UHMK1: variants seen among roughly 807,000 people sequenced by gnomAD.
The protein encoded by UHMK1 is serine/threonine-protein kinase Kist.
UHMK1 carries 18 observed loss-of-function variants against 44.0 expected under a neutral mutation model. The observed-to-expected ratio is 0.41, with a 90% CI of 0.28 to 0.61. The LOEUF (loss-of-function observed/expected upper bound fraction) is 0.61. UHMK1 is among the 20% of genes least tolerant of loss of function. UHMK1 has a pLI of 0.31. For missense variants in UHMK1, 463 were observed against 522.5 expected (o/e 0.89, Z 1.11); for synonymous variants, 231 against 198.5 (o/e 1.16, Z -1.38).
chr1:162,520,406 T>G (rs1216060581), intron 7 of UHMK1, among the ~76,000 whole-genome samples: 1 of 152,170 alleles, frequency 6.6e-6, no homozygotes, highest in Non-Finnish European at 1.5e-5. Flanking sequence ...TATTGAGCAT[T>G]TATTATGTTC....
chr1:162,513,440 T>G (rs1486610233), intron 6 of UHMK1, among the ~76,000 whole-genome samples: 1 of 152,206 alleles, frequency 6.6e-6, no homozygotes, highest in African/African-American at 2.4e-5. Flanking sequence ...AACTGAGTAT[T>G]TACTATGTGC....
chr1:162,498,474 A>C lies in UHMK1; in HGVS notation c.268+206A>C, dbSNP rs190558723. 1.6e-3 allele frequency among the ~76,000 whole-genome samples: 244 copies of C among 152,324 alleles called. 6 individuals are homozygous for C. Among genetic ancestry groups the C allele is most frequent in the Admixed American group, 0.015 (229 of 15,292 alleles). ...TTGGTGGTCTGCTTTGCCAGGTGTC[A>C]CATAGATGCTCAGTAAATTGTCTTG... On this transcript the variant is annotated intron_variant, in intron 1 of 7. Coordinates refer to ENST00000489294, the MANE Select transcript of UHMK1 (RefSeq NM_175866.5).
intron 4 of UHMK1, among the ~76,000 whole-genome samples, chr1:162,506,222 AG>A (rs1470949097): frequency 1.4e-4 from 4 of 28,464 alleles, no homozygotes; most frequent in African/African-American, 6.0e-4. Flanking sequence ...TTTAAATAAT[AG>A]CCCCCCCCCC....
At chr1:162,503,485 C>T (rs1651352128) in intron 3 of UHMK1, among the ~76,000 whole-genome samples, 1 of 151,858 alleles carries the variant, frequency 6.6e-6, no homozygotes, top group South Asian at 2.1e-4. Context: ...ATGGCACACA[C>T]CTATATTTCC....
intron 3 of UHMK1, 63 bp downstream of exon 3, chr1:162,501,167 G>T: frequency 6.8e-7 from 1 of 1,471,264 alleles, no homozygotes; most frequent in Non-Finnish European, 9.1e-7. Flanking sequence ...TTCAATTTAT[G>T]ATGATTTTTT....
chr1:162,497,383 T>C, upstream of UHMK1: 1 of 663,984 alleles, frequency 1.5e-6, no homozygotes, highest in East Asian at 2.8e-5. Context: ...TCCATTCCGA[T>C]GGTTGGCGAC....
chr1:162,508,396 G>A (rs1651551855), intron 4 of UHMK1, among the ~76,000 whole-genome samples: 1 of 151,640 alleles, frequency 6.6e-6, no homozygotes, highest in Non-Finnish European at 1.5e-5. Flanking sequence ...ATGAGCGTGA[G>A]CCACCACGCC....
chr1:162,507,967 TTA>T (rs1491587519), intron 4 of UHMK1, among the ~76,000 whole-genome samples: 1 of 152,166 alleles, frequency 6.6e-6, no homozygotes, highest in African/African-American at 2.4e-5. Context: ...CTTGTATCTC[TTA>T]TAGTGTAATT....
chr1:162,510,814 T>C (rs1651638747), intron 4 of UHMK1, among the ~76,000 whole-genome samples: 1 of 152,166 alleles, frequency 6.6e-6, no homozygotes. Flanking sequence ...TTTCATTTCC[T>C]TTGGATATAT....
chr1:162,518,485 T>G (rs1651924241), intron 7 of UHMK1, among the ~76,000 whole-genome samples: 1 of 150,060 alleles, frequency 6.7e-6, no homozygotes, highest in Non-Finnish European at 1.5e-5. Flanking sequence ...TACTTGAGGT[T>G]AGGAGTTCAG....
chr1:162,508,658 C>T (rs1651561877), intron 4 of UHMK1, among the ~76,000 whole-genome samples: 1 of 151,480 alleles, frequency 6.6e-6, no homozygotes, highest in Non-Finnish European at 1.5e-5. Context: ...GCCAAGATTG[C>T]ACCACTGCAC....
intron 7 of UHMK1, among the ~76,000 whole-genome samples, chr1:162,521,982 C>CT (rs1652076086): frequency 6.6e-6 from 1 of 152,102 alleles, no homozygotes. Flanking sequence ...ATATTTTTTC[C>CT]TTTTTCACTG....
intron 6 of UHMK1, among the ~76,000 whole-genome samples, chr1:162,514,770 A>G (rs1223536056): frequency 6.6e-6 from 1 of 152,212 alleles, no homozygotes; most frequent in Non-Finnish European, 1.5e-5. Flanking sequence ...GTAAGGAATA[A>G]AAGAGAAAAA....
Position 162,522,622 on chromosome 1 carries a change from C to CTTCCATTCATAT in UHMK1, c.*73_*74insTCCATTCATATT. On this transcript the variant is annotated 3_prime_UTR_variant, in exon 8 of 8. Coordinates refer to ENST00000489294, the MANE Select transcript of UHMK1 (RefSeq NM_175866.5). The stretch of plus-strand genomic sequence containing the variant: ...GGTTATTCCACATATGAATGCAGGA[C>CTTCCATTCATAT]TACCCCCTTACCATTTTAAGAAGGT... 6.1e-6 allele frequency: 9 copies of CTTCCATTCATAT among 1,474,354 alleles called. No homozygotes were observed. The East Asian group carries it at 2.0e-4, about 33-fold the overall frequency. The allele number at this position is 1,474,354 out of a possible 1,614,324, so 91.3% of individuals were successfully genotyped here. A position where few individuals can be genotyped will look rare whatever the true frequency, so the allele number is the denominator to read the frequency against.
intron 3 of UHMK1, 104 bp from the exon 4 acceptor site, chr1:162,503,650 G>T: frequency 3.4e-6 from 2 of 585,626 alleles, no homozygotes; most frequent in South Asian, 2.6e-5. Flanking sequence ...GCTCTCAGAA[G>T]ATAGTGTTTT....
chr1:162,506,002 A>C (rs1193753231), intron 4 of UHMK1, among the ~76,000 whole-genome samples: 1 of 152,112 alleles, frequency 6.6e-6, no homozygotes, highest in African/African-American at 2.4e-5. Context: ...AATCCACATG[A>C]TTTATTCCTA....
intron 7 of UHMK1, among the ~76,000 whole-genome samples, chr1:162,520,862 A>G (rs1165958525): frequency 6.6e-6 from 1 of 152,218 alleles, no homozygotes; most frequent in Non-Finnish European, 1.5e-5. Context: ...CTGACTCAAT[A>G]TTAGCCCCAG....
In UHMK1 at chr1:162,526,091, A is replaced by G. The variant is rs1652238984; in HGVS notation, c.*3541A>G. 1.3e-5 allele frequency: 2 copies of G among 152,264 alleles called. No homozygotes were observed. Among genetic ancestry groups the G allele is most frequent in the Non-Finnish European group, 2.9e-5 (2 of 67,992 alleles). The allele number at this position is 152,264 out of a possible 1,614,324, so 9.4% of individuals were successfully genotyped here. A position where few individuals can be genotyped will look rare whatever the true frequency, so the allele number is the denominator to read the frequency against. On this transcript the variant is annotated 3_prime_UTR_variant, in exon 8 of 8. Coordinates refer to ENST00000489294, the MANE Select transcript of UHMK1 (RefSeq NM_175866.5). ...GGACCTTCACTCTGGTAAGGGCATCAGTTACTTTTCTGGAATAAAAGGCGG... is the reference window on the plus strand; with the variant it reads ...GGACCTTCACTCTGGTAAGGGCATCGGTTACTTTTCTGGAATAAAAGGCGG...
intron 2 of UHMK1, 37 bp from the exon 3 acceptor site, chr1:162,500,875 CT>C: frequency 1.3e-6 from 2 of 1,579,862 alleles, no homozygotes; most frequent in South Asian, 1.1e-5. Context: ...AAGGGAGCAG[CT>C]TTTTTATTGG....
Sources: allele counts gnomAD v4.1 joint callset (sites outside exome capture counted in the v4.1 genomes callset), GRCh38; gene constraint gnomAD v4.1.1; transcripts MANE v1.5; gene names NCBI Gene and HGNC (gene_info 2026-07-23, HGNC 2026-07-21).